The following ARMC2 variants were observed in gnomAD, a reference collection of about 807,000 sequenced individuals.
ARMC2 encodes the protein armadillo repeat-containing protein 2.
In ARMC2, 67 loss-of-function variants were observed where a neutral mutation model predicts 90.3. That is an observed-to-expected ratio of 0.74 (90% CI 0.61 to 0.91). The LOEUF (loss-of-function observed/expected upper bound fraction) is 0.91, where lower values mean the gene tolerates loss of function less well. Among genes scored for constraint, ARMC2 ranks in the 40% least tolerant of loss-of-function variants. ARMC2 has a pLI of 0.00. For missense variants in ARMC2, 920 were observed against 1,030.9 expected (o/e 0.89, Z 1.47); for synonymous variants, 393 against 393.0 (o/e 1.00, Z 0.00).
At chr6:108,954,335 C>T (rs948681135) in intron 13 of ARMC2, among the ~76,000 whole-genome samples, 4 of 152,140 alleles carry the variant, frequency 2.6e-5, no homozygotes, top group African/African-American at 9.7e-5. Context: ...ATTAATCTTG[C>T]CACTATTAGG....
At chr6:108,856,109 A>G (rs1240855564) in intron 2 of ARMC2, among the ~76,000 whole-genome samples, 1 of 152,176 alleles carries the variant, frequency 6.6e-6, no homozygotes, top group Non-Finnish European at 1.5e-5. Context: ...TTGGTGTTGT[A>G]TATTAAAAGT....
At chr6:109,046,229 G>A in the ARMC2 span, among the ~76,000 whole-genome samples, 558 of 144,400 alleles carry the variant, frequency 3.9e-3, no homozygotes, top group African/African-American at 0.011. Flanking sequence ...GAGTGCCTGC[G>A]ATTGCAGGCA....
At chr6:108,932,385 C>G (rs72933386) in intron 11 of ARMC2, among the ~76,000 whole-genome samples, 2,405 of 151,678 alleles carry the variant, frequency 0.016, 46 homozygotes, top group East Asian at 0.091. Context: ...TACATTTAGT[C>G]TTTAATCCAT....
chr6:108,855,094 T>A (rs915346213), intron 2 of ARMC2, among the ~76,000 whole-genome samples: 1 of 152,224 alleles, frequency 6.6e-6, no homozygotes, highest in Non-Finnish European at 1.5e-5. Context: ...TGCTGAATAA[T>A]ATTCCATTGT....
chr6:108,870,999 G>T (rs1776352807), intron 4 of ARMC2, among the ~76,000 whole-genome samples: 1 of 152,200 alleles, frequency 6.6e-6, no homozygotes, highest in Non-Finnish European at 1.5e-5. Context: ...AGCTCAGGTG[G>T]CTCTGAAAGG....
intron 10 of ARMC2, among the ~76,000 whole-genome samples, chr6:108,915,370 A>C (rs936017185): frequency 6.6e-6 from 1 of 152,188 alleles, no homozygotes; most frequent in Non-Finnish European, 1.5e-5. Context: ...GAGGGCCAAA[A>C]AGATACAAGC....
intron 11 of ARMC2, among the ~76,000 whole-genome samples, chr6:108,935,882 A>G (rs1202706136): frequency 6.6e-6 from 1 of 152,112 alleles, no homozygotes; most frequent in East Asian, 1.9e-4. Flanking sequence ...TATTTTTTAA[A>G]TGATTTCTAA....
the ARMC2 span, chr6:108,990,831 T>C: frequency 6.2e-7 from 1 of 1,613,234 alleles, no homozygotes; most frequent in Non-Finnish European, 8.5e-7. Context: ...TTCCCAGCAA[T>C]AGTCCTAAAT....
chr6:108,918,095 C>A (rs540003115), intron 10 of ARMC2, among the ~76,000 whole-genome samples: 2 of 152,170 alleles, frequency 1.3e-5, no homozygotes, highest in South Asian at 4.1e-4. Context: ...GATTTAGGGT[C>A]ATCTACATGG....
At chr6:108,918,699 C>G (rs1443131574) in intron 10 of ARMC2, among the ~76,000 whole-genome samples, 2 of 152,278 alleles carry the variant, frequency 1.3e-5, no homozygotes, top group East Asian at 3.9e-4. Context: ...AGCTGGGACA[C>G]TGAGCCCACT....
the ARMC2 span, among the ~76,000 whole-genome samples, chr6:109,044,145 C>G: frequency 6.6e-6 from 1 of 151,180 alleles, no homozygotes; most frequent in African/African-American, 2.4e-5. Flanking sequence ...GGAGACTCCA[C>G]TACTACAAAT....
At chr6:108,959,630 C>CG (rs1471233074) in intron 13 of ARMC2, 1 of 150,822 alleles carries the variant, frequency 6.6e-6, no homozygotes, top group East Asian at 1.9e-4. Flanking sequence ...TCAGTGTTGC[C>CG]GGGCTCGTGA....
chr6:108,927,474 A>G (rs949145268), intron 10 of ARMC2, among the ~76,000 whole-genome samples: 2 of 152,204 alleles, frequency 1.3e-5, no homozygotes, highest in African/African-American at 2.4e-5. Flanking sequence ...ATTAGATAAC[A>G]ACATTAGTTT....
chr6:108,862,278 A>C (rs762475258), intron 3 of ARMC2, among the ~76,000 whole-genome samples: 49 of 136,676 alleles, frequency 3.6e-4, no homozygotes, highest in Non-Finnish European at 6.0e-4. Context: ...CAGCAGGCAG[A>C]GGTTGCAGTG....
At chr6:109,010,557 T>C in the ARMC2 span, among the ~76,000 whole-genome samples, 1 of 152,226 alleles carries the variant, frequency 6.6e-6, no homozygotes, top group African/African-American at 2.4e-5. Flanking sequence ...GAAGTGACGC[T>C]ACCGTGTCTC....
chr6:108,875,275 G>A (rs1776824173), intron 4 of ARMC2, among the ~76,000 whole-genome samples: 1 of 152,158 alleles, frequency 6.6e-6, no homozygotes, highest in Non-Finnish European at 1.5e-5. Context: ...CCTCTTTAGA[G>A]GTATGTTTCA....
the ARMC2 span, among the ~76,000 whole-genome samples, chr6:109,007,526 G>A: frequency 9.9e-5 from 15 of 152,142 alleles, no homozygotes; most frequent in Non-Finnish European, 1.3e-4. Context: ...AAATTCAAAA[G>A]CAGCATGTGT....
At chr6:108,973,160 C>T (rs1778875636) in intron 17 of ARMC2, among the ~76,000 whole-genome samples, 197 bp from the exon 18 acceptor site, 1 of 151,900 alleles carries the variant, frequency 6.6e-6, no homozygotes, top group African/African-American at 2.4e-5. Flanking sequence ...GACCCTGCCT[C>T]TCCAAATAAA....
intron 3 of ARMC2, among the ~76,000 whole-genome samples, chr6:108,863,388 G>A (rs1472934447): frequency 1.3e-5 from 2 of 152,070 alleles, no homozygotes; most frequent in African/African-American, 4.8e-5. Flanking sequence ...CGCCTGATTT[G>A]TTGTCTTTCA....
Sources: gnomAD v4.1 joint callset for allele counts (sites outside exome capture counted in the v4.1 genomes callset) on GRCh38, gnomAD v4.1.1 for gene constraint, MANE v1.5 for transcripts, NCBI Gene and HGNC (gene_info 2026-07-23, HGNC 2026-07-21) for gene names.